ARHGAP10: variants seen among roughly 807,000 people sequenced by gnomAD.
ARHGAP10 encodes Rho GTPase activating protein 10.
A neutral mutation model predicts 108.6 loss-of-function variants in ARHGAP10; 87 were observed. The ratio of observed to expected loss-of-function variants is 0.80; its 90% CI spans 0.67 to 0.96. ARHGAP10 has a LOEUF of 0.96. Among genes scored for constraint, ARHGAP10 ranks in the 40% least tolerant of loss-of-function variants. The pLI, the probability that ARHGAP10 is intolerant of heterozygous loss-of-function variation, is 0.00. For missense variants in ARHGAP10, 939 were observed against 954.5 expected, an observed-to-expected ratio of 0.98 and a Z score of 0.21; for synonymous variants, 347 against 341.1, an observed-to-expected ratio of 1.02 and a Z score of -0.19.
chr4:148,055,651 G>C (rs1231499347), intron 20 of ARHGAP10, among the ~76,000 whole-genome samples: 3 of 152,202 alleles, frequency 2.0e-5, no homozygotes, highest in African/African-American at 4.8e-5. Context: ...TTGCGCCACT[G>C]CACTCCAGCC....
At chr4:147,853,913 C>T (rs960722294) in intron 4 of ARHGAP10, among the ~76,000 whole-genome samples, 7 of 152,118 alleles carry the variant, frequency 4.6e-5, no homozygotes, top group African/African-American at 1.7e-4. Flanking sequence ...TCTCTTTCTG[C>T]TTCCCAGTAA....
intron 18 of ARHGAP10, among the ~76,000 whole-genome samples, chr4:148,017,682 A>ATATATG (rs1437383455): frequency 7.2e-4 from 97 of 135,216 alleles, no homozygotes; most frequent in African/African-American, 1.1e-3. Flanking sequence ...ATATATATAT[A>ATATATG]TGTGTGTGTA....
intron 14 of ARHGAP10, among the ~76,000 whole-genome samples, chr4:147,940,704 T>C (rs1018786388): frequency 1.3e-5 from 2 of 152,212 alleles, no homozygotes; most frequent in African/African-American, 2.4e-5. Context: ...AGGTGTGCTG[T>C]GAATGCATTC....
chr4:147,737,634 AC>A (rs2126675412), intron 1 of ARHGAP10, among the ~76,000 whole-genome samples: 1 of 152,328 alleles, frequency 6.6e-6, no homozygotes, highest in East Asian at 1.9e-4. Context: ...TGAAGAAGTT[AC>A]CATAGAGCCC....
chr4:147,906,520 TA>T (rs1191397201), intron 10 of ARHGAP10, 117 bp from the exon 11 acceptor site: 17 of 871,126 alleles, frequency 2.0e-5, no homozygotes, highest in Non-Finnish European at 2.9e-5. Context: ...AATTTTAGGT[TA>T]CATGTATTTT....
intron 10 of ARHGAP10, among the ~76,000 whole-genome samples, chr4:147,903,703 C>G (rs1736342277): frequency 6.6e-6 from 1 of 152,152 alleles, no homozygotes; most frequent in Admixed American, 6.5e-5. Flanking sequence ...TTGAATCACA[C>G]AGTGTGTAGA....
intron 13 of ARHGAP10, among the ~76,000 whole-genome samples, chr4:147,927,327 T>C (rs949946028): frequency 6.6e-6 from 1 of 152,214 alleles, no homozygotes; most frequent in Admixed American, 6.5e-5. Context: ...CCATAACAAC[T>C]GCTTCATGGA....
At chr4:147,775,884 T>C (rs568277911) in intron 1 of ARHGAP10, among the ~76,000 whole-genome samples, 10 of 152,138 alleles carry the variant, frequency 6.6e-5, no homozygotes, top group Non-Finnish European at 1.2e-4. Context: ...TCATGAGATA[T>C]AATGTATGTT....
chr4:147,750,067 T>C (rs1156291884), intron 1 of ARHGAP10, among the ~76,000 whole-genome samples: 1 of 152,256 alleles, frequency 6.6e-6, no homozygotes, highest in African/African-American at 2.4e-5. Context: ...AAAGTGCTTC[T>C]TTGTCCAGAA....
chr4:147,879,410 G>A, intron 9 of ARHGAP10, 72 bp downstream of exon 9: 4 of 1,315,104 alleles, frequency 3.0e-6, no homozygotes, highest in Non-Finnish European at 4.2e-6. Context: ...CATTTTAATG[G>A]TTTATATTTT....
At chr4:148,010,708 G>A (rs72959758) in intron 18 of ARHGAP10, among the ~76,000 whole-genome samples, 3,042 of 152,168 alleles carry the variant, frequency 0.02, 69 homozygotes, top group East Asian at 0.078. Context: ...CTCTAATTGT[G>A]GCCCGTAGTC....
intron 10 of ARHGAP10, among the ~76,000 whole-genome samples, chr4:147,905,949 G>A (rs915272766): frequency 1.3e-5 from 2 of 152,054 alleles, no homozygotes; most frequent in African/African-American, 4.8e-5. Flanking sequence ...GGTCCTTCAC[G>A]TTCCTTGTAA....
intron 19 of ARHGAP10, among the ~76,000 whole-genome samples, chr4:148,036,316 C>G (rs1040049733): frequency 6.6e-6 from 1 of 152,132 alleles, no homozygotes; most frequent in Non-Finnish European, 1.5e-5. Context: ...CACTCAGTTC[C>G]TTAGCCATTT....
At chr4:147,882,622 G>A (rs891830239) in intron 10 of ARHGAP10, among the ~76,000 whole-genome samples, 9 of 152,142 alleles carry the variant, frequency 5.9e-5, no homozygotes, top group Non-Finnish European at 1.2e-4. Flanking sequence ...GTGTGGGGGG[G>A]TTTTCAGTGT....
At chr4:147,986,371 G>A (rs1356453030) in intron 18 of ARHGAP10, among the ~76,000 whole-genome samples, 1 of 152,170 alleles carries the variant, frequency 6.6e-6, no homozygotes, top group African/African-American at 2.4e-5. Flanking sequence ...TCCAAAGCCT[G>A]TCCCTTAGCT....
chr4:148,054,728 C>T (rs1729288392), intron 20 of ARHGAP10, among the ~76,000 whole-genome samples: 1 of 152,188 alleles, frequency 6.6e-6, no homozygotes, highest in Non-Finnish European at 1.5e-5. Flanking sequence ...CCTTGGCTAT[C>T]ACATGATCAA....
chr4:147,853,082 G>A (rs1433870468), intron 4 of ARHGAP10, among the ~76,000 whole-genome samples: 1 of 152,180 alleles, frequency 6.6e-6, no homozygotes, highest in African/African-American at 2.4e-5. Flanking sequence ...GTTCAGGGTC[G>A]CAGGTGGCTA....
intron 13 of ARHGAP10, among the ~76,000 whole-genome samples, chr4:147,914,018 T>G (rs1256630962): frequency 6.6e-6 from 1 of 152,086 alleles, no homozygotes; most frequent in Non-Finnish European, 1.5e-5. Context: ...CTGGGTGTGG[T>G]GCATGCATCT....
chr4:147,956,058 T>C (rs1278243397), intron 16 of ARHGAP10, among the ~76,000 whole-genome samples: 1 of 152,108 alleles, frequency 6.6e-6, no homozygotes, highest in Non-Finnish European at 1.5e-5. Context: ...TGGTGTTAGG[T>C]ATTTAATAGT....
Sources: gnomAD v4.1 joint callset for allele counts (sites outside exome capture counted in the v4.1 genomes callset) on GRCh38, gnomAD v4.1.1 for gene constraint, MANE v1.5 for transcripts, NCBI Gene and HGNC (gene_info 2026-07-23, HGNC 2026-07-21) for gene names.